Variants in ZMYM2 observed in about 807,000 individuals in gnomAD.
ZMYM2 encodes zinc finger MYM-type containing 2.
ZMYM2 carries 56 observed loss-of-function variants against 162.8 expected under a neutral mutation model. The ratio of observed to expected loss-of-function variants is 0.34; its 90% confidence interval spans 0.28 to 0.43. The LOEUF (loss-of-function observed/expected upper bound fraction) is 0.43, where lower values mean the gene tolerates loss of function less well. Ranked by LOEUF, ZMYM2 falls within the 20% of genes least tolerant of loss-of-function variation. ZMYM2 has a pLI of 1.00. For missense variants in ZMYM2, 1,275 were observed against 1,621.8 expected, an observed-to-expected ratio of 0.79 and a Z score of 3.67; for synonymous variants, 510 against 541.6, an observed-to-expected ratio of 0.94 and a Z score of 0.81.
intron 6 of ZMYM2, among the ~76,000 whole-genome samples, chr13:20,017,959 A>AT (rs1039815336): frequency 2.0e-5 from 3 of 152,060 alleles, no homozygotes; most frequent in African/African-American, 2.4e-5. Flanking sequence ...ATGATAAATG[A>AT]TTTTTTTATT....
At chr13:20,023,937 C>T (rs1952341169) in intron 7 of ZMYM2, among the ~76,000 whole-genome samples, 1 of 147,954 alleles carries the variant, frequency 6.8e-6, no homozygotes, top group Non-Finnish European at 1.5e-5. Context: ...TCTTTTTCTT[C>T]TTCTTTTTTT....
At chr13:19,947,562 G>T in the ZMYM2 span, among the ~76,000 whole-genome samples, 1 of 150,226 alleles carries the variant, frequency 6.7e-6, no homozygotes, top group Admixed American at 6.6e-5. Flanking sequence ...GGGTTCGAGC[G>T]ATTCTCCTGC....
At chr13:20,085,107 G>T (rs1958170174) in intron 24 of ZMYM2, among the ~76,000 whole-genome samples, 1 of 152,202 alleles carries the variant, frequency 6.6e-6, no homozygotes, top group African/African-American at 2.4e-5. Flanking sequence ...GCCTGAAGGT[G>T]ATTTTATTTT....
chr13:19,940,124 G>A, the ZMYM2 span, among the ~76,000 whole-genome samples: 1 of 152,146 alleles, frequency 6.6e-6, no homozygotes, highest in African/African-American at 2.4e-5. Flanking sequence ...TTAATAGCCT[G>A]AAATTGGAAA....
chr13:20,048,804 G>GTT (rs60116074), intron 12 of ZMYM2, among the ~76,000 whole-genome samples: 1 of 143,654 alleles, frequency 7.0e-6, no homozygotes, highest in Non-Finnish European at 1.5e-5. Flanking sequence ...CCTGTGACTT[G>GTT]TTTTTTTTTT....
intron 2 of ZMYM2, among the ~76,000 whole-genome samples, chr13:19,990,389 G>T (rs1296473227): frequency 1.3e-5 from 2 of 152,096 alleles, no homozygotes; most frequent in South Asian, 4.1e-4. Flanking sequence ...GCTTGGATTG[G>T]CCAACTTCAT....
chr13:19,998,109 T>C (rs1164892618), intron 3 of ZMYM2, among the ~76,000 whole-genome samples: 2 of 152,208 alleles, frequency 1.3e-5, no homozygotes, highest in African/African-American at 4.8e-5. Context: ...ATTTATATGC[T>C]GATTTTATTT....
At chr13:19,974,146 A>G (rs1271778930) in intron 2 of ZMYM2, among the ~76,000 whole-genome samples, 2 of 152,224 alleles carry the variant, frequency 1.3e-5, no homozygotes, top group African/African-American at 2.4e-5. Context: ...GAAGAGGGTA[A>G]ACAGTGAGAA....
At chr13:20,071,871 G>A (rs1312409816) in intron 21 of ZMYM2, 6 of 187,212 alleles carry the variant, frequency 3.2e-5, no homozygotes, top group African/African-American at 4.7e-5. Context: ...GCAGGGTTGC[G>A]TTAACATTGA....
intron 2 of ZMYM2, among the ~76,000 whole-genome samples, chr13:19,964,478 T>C (rs761133643): frequency 1.3e-5 from 2 of 152,252 alleles, no homozygotes; most frequent in African/African-American, 2.4e-5. Context: ...TTGTCCACAC[T>C]GCTCTCAAAC....
chr13:19,899,816 C>CAAAAA, the ZMYM2 span, among the ~76,000 whole-genome samples: 34 of 64,992 alleles, frequency 5.2e-4, 1 homozygote, highest in South Asian at 6.3e-4. Flanking sequence ...GACTCTGACT[C>CAAAAA]AAAAAAAAAA....
intron 15 of ZMYM2, among the ~76,000 whole-genome samples, 155 bp from the exon 16 acceptor site, chr13:20,059,292 G>A (rs1371800945): frequency 2.1e-5 from 3 of 141,864 alleles, no homozygotes; most frequent in South Asian, 4.5e-4. Context: ...TTTTTGTCCT[G>A]TTCTTTTTAA....
chr13:19,906,724 T>G, the ZMYM2 span, among the ~76,000 whole-genome samples: 22 of 151,900 alleles, frequency 1.4e-4, no homozygotes, highest in Admixed American at 2.0e-4. Flanking sequence ...CATACCTAGC[T>G]AATTTTTAAA....
At chr13:20,042,417 A>G (rs9579775) in intron 12 of ZMYM2, among the ~76,000 whole-genome samples, 1 of 151,938 alleles carries the variant, frequency 6.6e-6, no homozygotes, top group Non-Finnish European at 1.5e-5. Context: ...GGTCAGTTAC[A>G]TTCTTTTCTA....
At chr13:20,014,368 G>A (rs779278697) in intron 6 of ZMYM2, among the ~76,000 whole-genome samples, 2 of 152,156 alleles carry the variant, frequency 1.3e-5, no homozygotes, top group African/African-American at 4.8e-5. Flanking sequence ...CACTGCACCC[G>A]GCCAGGACAT....
At chr13:20,071,789 A>G (rs893136228) in intron 21 of ZMYM2, 1 of 179,520 alleles carries the variant, frequency 5.6e-6, no homozygotes, top group African/African-American at 2.4e-5. Context: ...ACCATGAATG[A>G]CTTTAATTTC....
chr13:19,944,620 G>C, the ZMYM2 span, among the ~76,000 whole-genome samples: 1 of 152,258 alleles, frequency 6.6e-6, no homozygotes, highest in East Asian at 1.9e-4. Context: ...CAGGTAGGGG[G>C]AGTCTTACTC....
At chr13:19,892,311 G>C in the ZMYM2 span, among the ~76,000 whole-genome samples, 4 of 150,282 alleles carry the variant, frequency 2.7e-5, no homozygotes, top group Non-Finnish European at 4.4e-5. Context: ...TCACTCTGTC[G>C]CCCAGGCTGG....
At chr13:19,924,320 G>A in the ZMYM2 span, among the ~76,000 whole-genome samples, 3 of 152,070 alleles carry the variant, frequency 2.0e-5, no homozygotes, top group Non-Finnish European at 4.4e-5. Flanking sequence ...ATCCCAGCAC[G>A]TTGGGAGCTG....
Sources: allele counts gnomAD v4.1 joint callset (sites outside exome capture counted in the v4.1 genomes callset), GRCh38; gene constraint gnomAD v4.1.1; transcripts MANE v1.5; gene names NCBI Gene and HGNC (gene_info 2026-07-23, HGNC 2026-07-21).